Variants in TRIP12 observed in about 807,000 individuals in gnomAD.
TRIP12 encodes E3 ubiquitin-protein ligase TRIP12.
TRIP12 carries 25 observed loss-of-function variants against 244.2 expected under a neutral mutation model. The observed-to-expected ratio is 0.10, with a 90% CI of 0.07 to 0.14. TRIP12 has a LOEUF of 0.14. Ranked by LOEUF, TRIP12 falls within the 10% of genes least tolerant of loss-of-function variation. TRIP12 has a pLI of 1.00. For synonymous variants in TRIP12, 905 were observed against 873.1 expected (o/e 1.04, Z -0.64); for missense variants, 1,677 against 2,486.4 (o/e 0.67, Z 6.92).
Position 229,887,485 on chromosome 2 carries a change from A to G in TRIP12, c.-49-7357T>C, listed in dbSNP as rs530432533. Among the ~76,000 whole-genome samples the G allele has an allele frequency of 3.0e-4, 45 of 152,348 alleles. 1 individual carries two copies. The highest frequency in any genetic ancestry group is 9.9e-4 in the African/African-American group (41 of 41,586). On this transcript the variant is annotated intron_variant, in intron 1 of 41. Transcript: ENST00000675903. ...AAAGTTTTACATTTAAGACCTACAGATAAGGAGGCAGATCAAGTAGAAAGC... is the reference window on the plus strand; with the variant it reads ...AAAGTTTTACATTTAAGACCTACAGGTAAGGAGGCAGATCAAGTAGAAAGC...
At chr2:229,830,893 T>C (rs1386249653) in intron 6 of TRIP12, 54 bp from the exon 7 acceptor site, 2 of 1,575,470 alleles carry the variant, frequency 1.3e-6, no homozygotes, top group African/African-American at 1.4e-5. Context: ...ACACATTATG[T>C]CTGGCTTACC....
chr2:229,907,833 G>T (rs2073252964), intron 1 of TRIP12, among the ~76,000 whole-genome samples: 1 of 151,954 alleles, frequency 6.6e-6, no homozygotes, highest in African/African-American at 2.4e-5. Context: ...AATAATAATA[G>T]TTTACAAATG....
chr2:229,801,043 C>G (rs2044191165), intron 21 of TRIP12, among the ~76,000 whole-genome samples: 1 of 152,194 alleles, frequency 6.6e-6, no homozygotes, highest in African/African-American at 2.4e-5. Flanking sequence ...GCCTACATTA[C>G]AGTAAAACCC....
At chr2:229,833,650 G>A (rs1031608497) in intron 6 of TRIP12, among the ~76,000 whole-genome samples, 1 of 152,076 alleles carries the variant, frequency 6.6e-6, no homozygotes, top group Non-Finnish European at 1.5e-5. Flanking sequence ...GTGAAGAAAA[G>A]GATTCTTTTG....
chr2:229,782,057 T>G (rs2038362820), intron 34 of TRIP12, among the ~76,000 whole-genome samples: 1 of 152,180 alleles, frequency 6.6e-6, no homozygotes, highest in Non-Finnish European at 1.5e-5. Flanking sequence ...GGAAAGATAT[T>G]TCCTGGCAAG....
At chr2:229,812,646 A>G (rs1458750529) in intron 13 of TRIP12, among the ~76,000 whole-genome samples, 1 of 152,068 alleles carries the variant, frequency 6.6e-6, no homozygotes, top group Non-Finnish European at 1.5e-5. Context: ...TCTCTACTAA[A>G]AACACAAAAA....
At position 229,880,018 on chromosome 2, in the gene TRIP12, G is replaced by C; in HGVS notation, c.62C>G (p.Ala21Gly). The C allele has an allele frequency of 6.2e-7, 1 of 1,614,050 alleles. No individual in the cohort carries two copies. The highest frequency in any genetic ancestry group is 8.5e-7 in the Non-Finnish European group (1 of 1,180,016). ...GSLRRSQRNT[A>G]GAQPQDDSIG... ...TGAGTCGTCTTGTGGTTGGGCCCCG[G>C]CAGTGTTCCTCTGTGAACGTCGCAG... The change falls in exon 2 of 42, where the codon GCC (alanine) becomes GGC (glycine). Residue 21 changes from alanine to glycine, a missense_variant. Ala to Gly is a moderately conservative substitution (Grantham distance 60, BLOSUM62 0). Coordinates refer to ENST00000675903, the MANE Select transcript of TRIP12 (RefSeq NM_001348323.3).
chr2:229,894,314 T>C (rs1043576067), intron 1 of TRIP12: 10 of 152,168 alleles, frequency 6.6e-5, no homozygotes, highest in African/African-American at 2.4e-4. Context: ...GAATCTAATA[T>C]CATTTCAAGC....
chr2:229,919,335 G>C (rs1371055666), intron 1 of TRIP12, among the ~76,000 whole-genome samples: 1 of 151,844 alleles, frequency 6.6e-6, no homozygotes, highest in Admixed American at 6.6e-5. Flanking sequence ...AGAATCGCTT[G>C]AACCAGGAGG....
At chr2:229,905,388 G>A (rs1035840801) in intron 1 of TRIP12, among the ~76,000 whole-genome samples, 4 of 152,106 alleles carry the variant, frequency 2.6e-5, no homozygotes, top group African/African-American at 9.7e-5. Flanking sequence ...TAGGAAGAGA[G>A]AAGATATATT....
intron 30 of TRIP12, among the ~76,000 whole-genome samples, chr2:229,790,237 G>A (rs1559415709): frequency 6.6e-6 from 1 of 151,972 alleles, no homozygotes; most frequent in Non-Finnish European, 1.5e-5. Flanking sequence ...TTCAAGTAAG[G>A]GTCTGCAAAT....
At chr2:229,879,835 CCA>C in intron 2 of TRIP12, 145 bp downstream of exon 2, 1 of 813,838 alleles carries the variant, frequency 1.2e-6, no homozygotes, top group East Asian at 2.6e-5. Flanking sequence ...GCTTTGGATT[CCA>C]GTTTGCTTTT....
chr2:229,860,934 C>T (rs774795227), intron 2 of TRIP12, among the ~76,000 whole-genome samples: 4 of 152,152 alleles, frequency 2.6e-5, no homozygotes, highest in Non-Finnish European at 4.4e-5. Flanking sequence ...TAAAAGTTTA[C>T]GGAAAAGACA....
chr2:229,894,298 A>C (rs1242846963), intron 1 of TRIP12: 1 of 152,176 alleles, frequency 6.6e-6, no homozygotes, highest in Non-Finnish European at 1.5e-5. Flanking sequence ...AACCCAAAAT[A>C]CTCAAGAATC....
chr2:229,778,547 G>T lies in TRIP12; in HGVS notation c.5250C>A (p.Gly1750=). Residue 1750 remains glycine, a synonymous_variant, in exon 36 of 42, where the codon GGC becomes GGA. Transcript: ENST00000675903. The surrounding 1 kb of genome is among the most constrained non-coding windows in gnomAD (Gnocchi z 4.1). ...TCCTACCAAAGGGAAGCGCAAACAG[G>T]CCCTGGAGGTTTTGAATATACTTGG... ...EGTKYIQNLQ[G]LFALPFGRTA... is the part of the protein sequence containing the mutation. 6.2e-7 allele frequency: 1 copy of T among 1,614,016 alleles called. No individual in the cohort carries two copies. Among genetic ancestry groups the T allele is most frequent in the Non-Finnish European group, 8.5e-7 (1 of 1,179,926 alleles).
At chr2:229,794,288 T>TA (rs1434190767) in intron 26 of TRIP12, among the ~76,000 whole-genome samples, 1 of 152,176 alleles carries the variant, frequency 6.6e-6, no homozygotes, top group Non-Finnish European at 1.5e-5. Flanking sequence ...AAAACCAAAC[T>TA]AGGCTGAGTG....
At chr2:229,870,319 CT>C (rs781051609) in intron 2 of TRIP12, among the ~76,000 whole-genome samples, 42 of 152,248 alleles carry the variant, frequency 2.8e-4, no homozygotes, top group Middle Eastern at 6.8e-3. Flanking sequence ...AAAGTTAAGC[CT>C]TAAGGCACAG....
chr2:229,820,610 AT>A (rs999677776), intron 8 of TRIP12, among the ~76,000 whole-genome samples: 2 of 152,178 alleles, frequency 1.3e-5, no homozygotes, highest in African/African-American at 2.4e-5. Context: ...AATATAAATA[AT>A]TTTGATTTTA....
chr2:229,796,674 A>G lies in TRIP12; in HGVS notation c.3733T>C (p.Tyr1245His). 1 of 1,613,354 alleles carries G rather than the reference A, an allele frequency of 6.2e-7. No individual in the cohort carries two copies. The highest frequency in any genetic ancestry group is 1.1e-5 in the South Asian group (1 of 90,898). The change falls in exon 25 of 42, where the codon TAT (tyrosine) becomes CAT (histidine). Residue 1245 changes from tyrosine (Y) to histidine (H), a missense_variant. This residue lies in a region of TRIP12 where 77 missense variants were observed against 69.2 expected (regional missense o/e 1.11). Transcript: ENST00000675903. Reference sequence around the variant, plus strand: ...TCCTTTTCACTTTTAGATGTCAAATAAAGCAACAGCTGCTTCACAAATCCA... The same window carrying G: ...TCCTTTTCACTTTTAGATGTCAAATGAAGCAACAGCTGCTTCACAAATCCA... ...HSGFVKQLLLYLTSKSEKDAV... is the reference protein window; with the variant it reads ...HSGFVKQLLLHLTSKSEKDAV...
Sources: allele counts gnomAD v4.1 joint callset (sites outside exome capture counted in the v4.1 genomes callset), GRCh38; gene constraint gnomAD v4.1.1; regional missense constraint gnomAD v4.1.1; non-coding constraint Gnocchi (gnomAD v3.1); transcripts MANE v1.5; gene names NCBI Gene and HGNC (gene_info 2026-07-23, HGNC 2026-07-21).